The following ANO10 variants were observed in gnomAD, a reference collection of about 807,000 sequenced individuals.
ANO10 encodes anoctamin-10.
Under a neutral mutation model 74.7 loss-of-function variants are expected in ANO10, and 77 were observed. The observed-to-expected ratio is 1.03, with a 90% CI of 0.86 to 1.25. ANO10 has a LOEUF of 1.25. ANO10 is among the 50% of genes most tolerant of loss of function. The pLI, the probability that ANO10 is intolerant of heterozygous loss-of-function variation, is 0.00. For synonymous variants in ANO10, 279 were observed against 284.9 expected, an observed-to-expected ratio of 0.98 and a Z score of 0.21; for missense variants, 721 against 778.1, an observed-to-expected ratio of 0.93 and a Z score of 0.87.
At chr3:43,548,521 A>C (rs933340691) in intron 11 of ANO10, among the ~76,000 whole-genome samples, 1 of 152,232 alleles carries the variant, frequency 6.6e-6, no homozygotes, top group African/African-American at 2.4e-5. Context: ...TCATGAACAC[A>C]GATTCCTACC....
At chr3:43,667,046 T>C (rs1217038125) in intron 1 of ANO10, among the ~76,000 whole-genome samples, 1 of 149,800 alleles carries the variant, frequency 6.7e-6, no homozygotes, top group Non-Finnish European at 1.5e-5. Flanking sequence ...TGTTTTTTAA[T>C]CCTCATGCAT....
intron 1 of ANO10, among the ~76,000 whole-genome samples, chr3:43,666,754 G>T (rs2083997292): frequency 1.3e-5 from 2 of 152,130 alleles, no homozygotes; most frequent in Admixed American, 1.3e-4. Flanking sequence ...TCTGTTAAGG[G>T]CTTGCTCCCT....
intron 11 of ANO10, among the ~76,000 whole-genome samples, chr3:43,495,110 G>A (rs942455892): frequency 5.9e-5 from 9 of 151,690 alleles, no homozygotes; most frequent in African/African-American, 1.9e-4. Flanking sequence ...TCAAAATAAC[G>A]TGATAAAAGT....
chr3:43,432,827 T>C, intron 11 of ANO10, 100 bp from the exon 12 acceptor site: 3 of 880,904 alleles, frequency 3.4e-6, no homozygotes, highest in Non-Finnish European at 5.6e-6. Flanking sequence ...TATATTAATC[T>C]TGGGTAATTT....
At chr3:43,408,540 G>A (rs1371850946) in intron 12 of ANO10, among the ~76,000 whole-genome samples, 2 of 152,158 alleles carry the variant, frequency 1.3e-5, no homozygotes, top group East Asian at 3.9e-4. Flanking sequence ...GTACACAAAA[G>A]GTGCATAAAG....
Position 43,605,828 on chromosome 3 carries a change from C to T in ANO10, c.25G>A (p.Asp9Asn). The T allele has an allele frequency of 6.2e-7, 1 of 1,613,618 alleles. No homozygotes were observed. The highest frequency in any genetic ancestry group is 1.3e-5 in the African/African-American group (1 of 74,976). ...GGTGTGAAAGAACTCTCAGAAGTAT[C>T]CAAAGCTGATAAGGTCACTTTCATC... is the stretch of plus-strand genomic sequence containing the variant. MKVTLSAL[D>N]TSESSFTPLV... Residue 9 changes from aspartate (D) to asparagine (N), a missense_variant, in exon 2 of 13, where the codon GAT (aspartate) becomes AAT (asparagine). Transcript: ENST00000292246.
intron 7 of ANO10, among the ~76,000 whole-genome samples, chr3:43,573,261 G>A (rs534706719): frequency 6.6e-6 from 1 of 152,228 alleles, no homozygotes; most frequent in East Asian, 1.9e-4. Flanking sequence ...GTGTGAAGGA[G>A]GCCTTCGAAG....
intron 11 of ANO10, among the ~76,000 whole-genome samples, chr3:43,501,911 A>T (rs891323115): frequency 5.3e-5 from 8 of 152,156 alleles, no homozygotes; most frequent in African/African-American, 1.7e-4. Flanking sequence ...GTACAAGAAC[A>T]CCAGTATCAA....
intron 1 of ANO10, among the ~76,000 whole-genome samples, chr3:43,688,270 G>A (rs990536801): frequency 6.6e-6 from 1 of 152,058 alleles, no homozygotes; most frequent in African/African-American, 2.4e-5. Context: ...AAATCCTAAG[G>A]TTTCATTACT....
chr3:43,691,018 A>T lies in ANO10; in HGVS notation c.-12+499T>A, dbSNP rs144420157. On this transcript the variant is annotated intron_variant, in intron 1 of 3. Coordinates refer to the ANO10 transcript ENST00000413397. Reference sequence around the variant, plus strand: ...ATGGCGGCGGAGGAGGAGGAGGTGGACTCTGCCGACACCGGAGAGAGGTAA... The same window carrying T: ...ATGGCGGCGGAGGAGGAGGAGGTGGTCTCTGCCGACACCGGAGAGAGGTAA... The T allele has an allele frequency of 3.8e-6, 6 of 1,563,070 alleles. No individual in the cohort carries two copies. The Admixed American group carries it at 7.4e-5, about 19-fold the overall frequency.
chr3:43,558,173 CAT>C (rs1245435755), intron 9 of ANO10, among the ~76,000 whole-genome samples: 1 of 149,232 alleles, frequency 6.7e-6, no homozygotes, highest in Non-Finnish European at 1.5e-5. Flanking sequence ...TAAATAATAA[CAT>C]ATTAACATAA....
At chr3:43,368,419 A>G (rs1361910606) in intron 12 of ANO10, among the ~76,000 whole-genome samples, 1 of 152,156 alleles carries the variant, frequency 6.6e-6, no homozygotes, top group Non-Finnish European at 1.5e-5. Context: ...AGATTTCTAT[A>G]ACCTTCATCC....
intron 4 of ANO10, among the ~76,000 whole-genome samples, chr3:43,595,303 A>C (rs1396425348): frequency 1.3e-5 from 2 of 152,236 alleles, no homozygotes; most frequent in Non-Finnish European, 2.9e-5. Context: ...TGGCAGAGAC[A>C]CAACAAAAAA....
chr3:43,409,679 C>T lies in ANO10; in HGVS notation c.1914+22932G>A, dbSNP rs111776173. 7.2e-4 allele frequency among the ~76,000 whole-genome samples: 110 copies of T among 152,282 alleles called. 2 individuals carry two copies. The highest frequency in any genetic ancestry group is 2.1e-3 in the African/African-American group (87 of 41,554). On this transcript the variant is annotated intron_variant, in intron 12 of 12. Coordinates refer to ENST00000292246, the MANE Select transcript of ANO10 (RefSeq NM_018075.5). ...GTTCATGTTACTTACAGCTAATTAC[C>T]GCAAAGAACTGGAATGAATTTTTAC...
chr3:43,563,439 A>C, intron 8 of ANO10, among the ~76,000 whole-genome samples: 1 of 75,954 alleles, frequency 1.3e-5, no homozygotes, highest in African/African-American at 4.6e-5. Context: ...TTTTTTTTTG[A>C]GACATCTAAA....
At chr3:43,668,645 G>A (rs910030038) in intron 1 of ANO10, among the ~76,000 whole-genome samples, 1 of 151,878 alleles carries the variant, frequency 6.6e-6, no homozygotes, top group Non-Finnish European at 1.5e-5. Flanking sequence ...TTCTGCATGT[G>A]GCTTGCCAAT....
intron 1 of ANO10, among the ~76,000 whole-genome samples, chr3:43,663,596 A>G (rs756493949): frequency 2.0e-5 from 3 of 152,214 alleles, no homozygotes; most frequent in Non-Finnish European, 2.9e-5. Context: ...GTGGAATTCA[A>G]ATTGTCTCTG....
chr3:43,522,507 C>T (rs1357530932), intron 11 of ANO10, among the ~76,000 whole-genome samples: 1 of 152,096 alleles, frequency 6.6e-6, no homozygotes, highest in African/African-American at 2.4e-5. Context: ...AAACCAAGAG[C>T]TTCATACAAC....
intron 11 of ANO10, among the ~76,000 whole-genome samples, chr3:43,542,274 G>A (rs1001768456): frequency 3.3e-5 from 5 of 152,136 alleles, no homozygotes; most frequent in African/African-American, 4.8e-5. Flanking sequence ...GTCAGAATCA[G>A]CAAGTCTTGA....
Sources: gnomAD v4.1 joint callset for allele counts (sites outside exome capture counted in the v4.1 genomes callset) on GRCh38, gnomAD v4.1.1 for gene constraint, MANE v1.5 for transcripts, NCBI Gene and HGNC (gene_info 2026-07-23, HGNC 2026-07-21) for gene names.